PCDHGA3: variants seen among roughly 807,000 people sequenced by gnomAD.
The protein encoded by PCDHGA3 is protocadherin gamma subfamily A, 3, also known as protocadherin gamma-A3.
In PCDHGA3, 40 loss-of-function variants were observed where a neutral mutation model predicts 58.5. That is an observed-to-expected ratio of 0.68 (90% CI 0.53 to 0.89). The LOEUF (loss-of-function observed/expected upper bound fraction) is 0.89. Ranked by LOEUF, PCDHGA3 falls within the 40% of genes least tolerant of loss-of-function variation. The pLI is 0.00. For missense variants in PCDHGA3, 1,223 were observed against 1,195.9 expected (o/e 1.02, Z -0.33); for synonymous variants, 530 against 525.7 (o/e 1.01, Z -0.11).
chr5:141,366,362 A>G (rs768343198), intron 1 of PCDHGA3: 1 of 1,613,968 alleles, frequency 6.2e-7, no homozygotes, highest in Non-Finnish European at 8.5e-7. Context: ...CCTAGGCAGT[A>G]TCAAGACCCC....
At chr5:141,401,677 G>C (rs1017959276) in intron 1 of PCDHGA3, among the ~76,000 whole-genome samples, 2 of 152,184 alleles carry the variant, frequency 1.3e-5, no homozygotes, top group Non-Finnish European at 2.9e-5. Flanking sequence ...CATCCTTGTA[G>C]GATGGAAGGT....
At position 141,464,036 on chromosome 5, in the gene PCDHGA3, G is replaced by A. The variant is rs907276618; in HGVS notation, c.2425-30771G>A. On this transcript the variant is annotated intron_variant, in intron 1 of 3. Coordinates refer to ENST00000253812, the MANE Select transcript of PCDHGA3 (RefSeq NM_018916.4). ...ATCCCACACTTTGGGAGGCCAAGGC[G>A]GGTGGATCACCTGAGGTCAGGAGTT... Among the ~76,000 whole-genome samples the A allele has an allele frequency of 2.6e-5, 4 of 152,096 alleles. No individual in the cohort carries two copies. The East Asian group carries it at 5.8e-4, about 22-fold the overall frequency.
intron 1 of PCDHGA3, chr5:141,410,052 T>C: frequency 6.2e-7 from 1 of 1,613,122 alleles, no homozygotes; most frequent in Non-Finnish European, 8.5e-7. Context: ...CCCGGACTCT[T>C]CAGCCTGGGG....
chr5:141,404,291 G>C, intron 1 of PCDHGA3: 1 of 1,613,956 alleles, frequency 6.2e-7, no homozygotes, highest in Non-Finnish European at 8.5e-7. Context: ...TGACATCAAT[G>C]ATAATCCACC....
Position 141,491,095 on chromosome 5 carries a change from T to C in PCDHGA3, c.2425-3712T>C, listed in dbSNP as rs1366401829. On this transcript the variant is annotated intron_variant, in intron 1 of 3. Coordinates refer to ENST00000253812, the MANE Select transcript of PCDHGA3 (RefSeq NM_018916.4). The surrounding 1 kb of genome is among the most constrained non-coding windows in gnomAD (Gnocchi z 6.9). ...GCCACAGTCCACAGCCCCAGGACTG[T>C]TCCTCGTGTCTACACACACTGGTGA... The C allele has an allele frequency of 3.7e-6, 6 of 1,614,154 alleles. No homozygotes were observed. The highest frequency in any genetic ancestry group is 4.2e-6 in the Non-Finnish European group (5 of 1,180,014).
At chr5:141,441,004 C>G (rs1258800474) in intron 1 of PCDHGA3, 1 of 152,066 alleles carries the variant, frequency 6.6e-6, no homozygotes, top group African/African-American at 2.4e-5. Flanking sequence ...TCTAGTTTGG[C>G]CTTGATCAAA....
At chr5:141,420,651 T>A (rs1357679146) in intron 1 of PCDHGA3, among the ~76,000 whole-genome samples, 1 of 152,274 alleles carries the variant, frequency 6.6e-6, no homozygotes, top group East Asian at 1.9e-4. Flanking sequence ...GTAAGAATTA[T>A]AGTTAGGCAT....
At chr5:141,369,742 A>G (rs1766466506) in intron 1 of PCDHGA3, among the ~76,000 whole-genome samples, 1 of 152,236 alleles carries the variant, frequency 6.6e-6, no homozygotes, top group African/African-American at 2.4e-5. Flanking sequence ...AGGAAATAGA[A>G]TGCAATAAGA....
intron 1 of PCDHGA3, among the ~76,000 whole-genome samples, chr5:141,449,391 G>A (rs1020753910): frequency 1.3e-5 from 2 of 151,876 alleles, no homozygotes; most frequent in Non-Finnish European, 2.9e-5. Context: ...TGGATTACTT[G>A]AGGCCAGGAG....
chr5:141,489,558 G>A lies in PCDHGA3; in HGVS notation c.2425-5249G>A. On this transcript the variant is annotated intron_variant, in intron 1 of 3. Coordinates refer to ENST00000253812, the MANE Select transcript of PCDHGA3 (RefSeq NM_018916.4). The surrounding 1 kb of genome is among the most constrained non-coding windows in gnomAD (Gnocchi z 4.5). ...CCAGCACCAGCTGCCTGCTGCCAGT[G>A]CAGGTGGTGACTGAACACCCCCTGG... 1 of 1,614,130 alleles carries A rather than the reference G, an allele frequency of 6.2e-7. No individual in the cohort carries two copies. Among genetic ancestry groups the A allele is most frequent in the Non-Finnish European group, 8.5e-7 (1 of 1,180,024 alleles).
chr5:141,422,907 G>C (rs1330364637), intron 1 of PCDHGA3: 4 of 1,614,078 alleles, frequency 2.5e-6, no homozygotes, highest in Non-Finnish European at 3.4e-6. Flanking sequence ...ACGACAATGC[G>C]CCCGAGATCC....
intron 1 of PCDHGA3, chr5:141,390,069 C>A: frequency 6.2e-7 from 1 of 1,614,076 alleles, no homozygotes; most frequent in Non-Finnish European, 8.5e-7. Context: ...CCAGCCTGGT[C>A]TCTGTGTTAA....
intron 1 of PCDHGA3, among the ~76,000 whole-genome samples, chr5:141,464,264 AAAAAAAAAAAAAAGC>A (rs974197911): frequency 4.0e-4 from 52 of 130,598 alleles, no homozygotes; most frequent in Non-Finnish European, 6.3e-4. Context: ...GACTCCGTCT[AAAAAAAAAAAAAAGC>A]AAAAAAAAAA....
intron 1 of PCDHGA3, chr5:141,421,009 T>G (rs948913987): frequency 1.9e-6 from 1 of 515,496 alleles, no homozygotes. Context: ...AATCAGGGAA[T>G]GGGAAGCTGC....
chr5:141,366,806 TC>T, intron 1 of PCDHGA3: 1 of 1,560,888 alleles, frequency 6.4e-7, no homozygotes, highest in Admixed American at 1.9e-5. Flanking sequence ...GTTTCCTTTT[TC>T]ATGTTTCTGT....
chr5:141,430,577 C>A, intron 1 of PCDHGA3: 1 of 464,652 alleles, frequency 2.2e-6, no homozygotes. Context: ...AAGCGGAGAT[C>A]CTGCTCGCCT....
intron 1 of PCDHGA3, chr5:141,410,641 T>G: frequency 6.3e-7 from 1 of 1,599,146 alleles, no homozygotes. Context: ...CTTTTTTGTG[T>G]GTGATTTATC....
intron 2 of PCDHGA3, 57 bp downstream of exon 2, chr5:141,494,922 C>G: frequency 6.2e-7 from 1 of 1,613,670 alleles, no homozygotes; most frequent in Admixed American, 1.7e-5. Context: ...TCAGGGATGA[C>G]GTGGGAGGAG....
At chr5:141,355,552 C>T (rs182004159) in intron 1 of PCDHGA3, 1 of 1,613,938 alleles carries the variant, frequency 6.2e-7, no homozygotes. Flanking sequence ...GAAGATTTTG[C>T]GGGTAGAGGT....
Sources: gnomAD v4.1 joint callset for allele counts (sites outside exome capture counted in the v4.1 genomes callset) on GRCh38, gnomAD v4.1.1 for gene constraint, Gnocchi (gnomAD v3.1) non-coding constraint, MANE v1.5 for transcripts, NCBI Gene and HGNC (gene_info 2026-07-23, HGNC 2026-07-21) for gene names.